The following TMEM245 variants were observed in gnomAD, a reference collection of about 807,000 sequenced individuals.
TMEM245 encodes protein CG-2.
Under a neutral mutation model 101.2 loss-of-function variants are expected in TMEM245, and 69 were observed. The observed-to-expected ratio is 0.68, with a 90% CI of 0.56 to 0.83. The LOEUF (loss-of-function observed/expected upper bound fraction) is 0.83. Ranked by LOEUF, TMEM245 falls within the 40% of genes least tolerant of loss-of-function variation. TMEM245 has a pLI of 0.00. For synonymous variants in TMEM245, 537 were observed against 449.8 expected (o/e 1.19, Z -2.45); for missense variants, 1,075 against 1,092.8 (o/e 0.98, Z 0.23).
chr9:109,069,267 T>C (rs541146612), intron 9 of TMEM245, among the ~76,000 whole-genome samples: 10 of 152,230 alleles, frequency 6.6e-5, no homozygotes, highest in South Asian at 6.2e-4. Flanking sequence ...GGGCTCTGCA[T>C]TGACTTCCAG....
intron 17 of TMEM245, among the ~76,000 whole-genome samples, chr9:109,025,029 C>T (rs1387439787): frequency 6.6e-6 from 1 of 152,184 alleles, no homozygotes; most frequent in Non-Finnish European, 1.5e-5. Context: ...CAGTGGGTCA[C>T]ACCACTGGGA....
chr9:109,071,460 C>T (rs1829330458), intron 9 of TMEM245, among the ~76,000 whole-genome samples: 2 of 151,574 alleles, frequency 1.3e-5, no homozygotes, highest in African/African-American at 2.4e-5. Flanking sequence ...AAAAATTAGC[C>T]GAGTATAGTG....
intron 8 of TMEM245, 81 bp from the exon 9 acceptor site, chr9:109,073,519 G>A: frequency 3.6e-6 from 4 of 1,112,994 alleles, no homozygotes; most frequent in East Asian, 4.8e-5. Context: ...TCTATTATTG[G>A]AACAATGCTT....
At position 109,054,819 on chromosome 9, in the gene TMEM245, T is replaced by A. The variant is rs1588037721; in HGVS notation, c.1854+2372A>T. 2.6e-5 allele frequency among the ~76,000 whole-genome samples: 4 copies of A among 152,334 alleles called. 1 individual carries two copies. The highest frequency in any genetic ancestry group is 2.6e-4 in the Admixed American group (4 of 15,294). On this transcript the variant is annotated intron_variant, in intron 12 of 17. Transcript: ENST00000374586. ...GCAAACTATTTAACACCTGTGAGCC[T>A]GTTTTTTTGTTATTAAAATGAAGGC...
chr9:109,071,081 A>G (rs1829317363), intron 9 of TMEM245, among the ~76,000 whole-genome samples: 1 of 151,854 alleles, frequency 6.6e-6, no homozygotes, highest in Admixed American at 6.5e-5. Flanking sequence ...GGGTTTCACC[A>G]TATTGGCCAG....
intron 7 of TMEM245, among the ~76,000 whole-genome samples, chr9:109,081,832 A>C: frequency 6.6e-6 from 1 of 152,336 alleles, no homozygotes; most frequent in Admixed American, 6.5e-5. Flanking sequence ...ATCTGACATT[A>C]TCTTGCTATA....
intron 6 of TMEM245, among the ~76,000 whole-genome samples, chr9:109,086,248 T>C (rs1829832891): frequency 6.6e-6 from 1 of 152,244 alleles, no homozygotes; most frequent in Non-Finnish European, 1.5e-5. Context: ...CACATCTTTG[T>C]TGGGAATCCA....
intron 7 of TMEM245, among the ~76,000 whole-genome samples, chr9:109,082,095 T>A (rs1003774135): frequency 6.6e-6 from 1 of 152,192 alleles, no homozygotes; most frequent in Non-Finnish European, 1.5e-5. Context: ...GAATTAAACA[T>A]CCAAAAGCAA....
intron 12 of TMEM245, 34 bp downstream of exon 12, chr9:109,057,157 G>C: frequency 6.3e-7 from 1 of 1,596,918 alleles, no homozygotes. Context: ...TTTTTATTTT[G>C]AACTTCAGCT....
intron 7 of TMEM245, among the ~76,000 whole-genome samples, chr9:109,081,542 C>G (rs900712072): frequency 6.6e-6 from 1 of 151,838 alleles, no homozygotes; most frequent in Non-Finnish European, 1.5e-5. Flanking sequence ...GCCCAAGGAG[C>G]GAGGGGTTGG....
rs200726668 is a variant in TMEM245 at position 109,033,419 on chromosome 9, T to G, written c.2482A>C (p.Ile828Leu). The G allele has an allele frequency of 3.7e-5, 60 of 1,613,982 alleles. No homozygotes were observed. The highest frequency in any genetic ancestry group is 4.7e-5 in the Non-Finnish European group (56 of 1,180,000). ...LGLEGAIIGP[I>L]LLCILVVASN... ...GCAACCACAAGTATGCAGAGAAGAA[T>G]AGGACCGATGATTGCTCCTTCCAGG... is the stretch of plus-strand genomic sequence containing the variant. The change falls in exon 17 of 18, where the codon ATT (isoleucine) becomes CTT (leucine). Residue 828 changes from isoleucine (I) to leucine (L), a missense_variant. By Grantham distance (5) the Ile-to-Leu change is conservative. Around this residue, in one of 2 missense-constraint regions of TMEM245, gnomAD observed 267 missense variants for 351.3 expected, o/e 0.76. Transcript: ENST00000374586.
rs1397063333 is a variant in TMEM245 at position 109,119,452 on chromosome 9, G to C, written c.462C>G (p.Ala154=). ...AGAGGCCGTACAGGAGCGGGCCGCC[G>C]GCGCCGAGCAGCAGGAGCAGGCGGC... ...RRRRLLLLLG[A]GGPLLYGLYC... The change falls in exon 1 of 18, where the codon GCC becomes GCG. Residue 154 remains alanine, a synonymous_variant. Transcript: ENST00000374586. 4 of 1,501,942 alleles carry C rather than the reference G, an allele frequency of 2.7e-6. No homozygotes were observed. The South Asian group carries it at 5.0e-5, about 19-fold the overall frequency. 93.0% of individuals were successfully genotyped at this position (1,501,942 alleles called of 1,614,324 possible). A position where few individuals can be genotyped will look rare whatever the true frequency, so the allele number is the denominator to read the frequency against.
intron 8 of TMEM245, 63 bp downstream of exon 8, chr9:109,080,776 A>C (rs1327285199): frequency 6.7e-6 from 7 of 1,051,958 alleles, no homozygotes; most frequent in Non-Finnish European, 9.9e-6. Context: ...CTAGCTTTTA[A>C]TCCAGACTAC....
intron 1 of TMEM245, among the ~76,000 whole-genome samples, chr9:109,113,455 A>G (rs562353288): frequency 1.3e-5 from 2 of 152,370 alleles, no homozygotes; most frequent in East Asian, 1.9e-4. Context: ...TATGTTCTCC[A>G]AAACAACATG....
chr9:109,020,949 G>A (rs1043261087), intron 17 of TMEM245, among the ~76,000 whole-genome samples: 1 of 152,192 alleles, frequency 6.6e-6, no homozygotes, highest in East Asian at 1.9e-4. Context: ...AATAGAAATC[G>A]TAATCCAACA....
chr9:109,027,556 T>C (rs942083042), intron 17 of TMEM245, among the ~76,000 whole-genome samples: 1 of 152,076 alleles, frequency 6.6e-6, no homozygotes, highest in Non-Finnish European at 1.5e-5. Flanking sequence ...CTTTGAGGAA[T>C]ATACAAGCCC....
intron 8 of TMEM245, among the ~76,000 whole-genome samples, chr9:109,075,272 T>G (rs562199278): frequency 3.9e-5 from 6 of 152,222 alleles, no homozygotes; most frequent in Non-Finnish European, 8.8e-5. Flanking sequence ...TTTAATCTGT[T>G]AATGTTTTGT....
intron 3 of TMEM245, among the ~76,000 whole-genome samples, chr9:109,098,270 AAAATATGCAGT>A (rs1356405801): frequency 1.5e-4 from 23 of 152,360 alleles, no homozygotes; most frequent in African/African-American, 5.1e-4. Context: ...TAATGGCACT[AAAATATGCAGT>A]AAATATGCAG....
At chr9:109,100,446 T>C (rs1830255875) in intron 3 of TMEM245, among the ~76,000 whole-genome samples, 2 of 151,980 alleles carry the variant, frequency 1.3e-5, no homozygotes, top group Non-Finnish European at 2.9e-5. Context: ...TCTTCAACCC[T>C]CCCAGTAGCT....
Sources: allele counts gnomAD v4.1 joint callset (sites outside exome capture counted in the v4.1 genomes callset), GRCh38; gene constraint gnomAD v4.1.1; regional missense constraint gnomAD v4.1.1; transcripts MANE v1.5; gene names NCBI Gene and HGNC (gene_info 2026-07-23, HGNC 2026-07-21).